The following FOXP4 variants were observed in gnomAD, a reference collection of about 807,000 sequenced individuals.
The protein encoded by FOXP4 is forkhead box protein P4.
A neutral mutation model predicts 82.6 loss-of-function variants in FOXP4; 25 were observed. The ratio of observed to expected loss-of-function variants is 0.30; its 90% confidence interval spans 0.22 to 0.42. The LOEUF (loss-of-function observed/expected upper bound fraction) is 0.42, where lower values mean the gene tolerates loss of function less well. Among genes scored for constraint, FOXP4 ranks in the 10% least tolerant of loss-of-function variants. The pLI, the probability that FOXP4 is intolerant of heterozygous loss-of-function variation, is 1.00. For missense variants in FOXP4, 785 were observed against 900.9 expected (o/e 0.87, Z 1.65); for synonymous variants, 415 against 388.2 (o/e 1.07, Z -0.81).
At position 41,588,615 on chromosome 6, in the gene FOXP4, C is replaced by A. The variant is rs201881499; in HGVS notation, c.978-29C>A. ...GTGGCAGCAGGGAAACCGGAGCCAA[C>A]TTTCTCTCCTCCTCTCTTCCCCTTG... On this transcript the variant is annotated intron_variant, in intron 8 of 16. Transcript: ENST00000307972. 6.5e-5 allele frequency: 104 copies of A among 1,611,782 alleles called. No homozygotes were observed. In the African/African-American group the frequency reaches 1.3e-3, roughly 20 times the overall value.
chr6:41,587,816 G>T lies in FOXP4; in HGVS notation c.896G>T (p.Gly299Val). 1 of 1,567,804 alleles carries T rather than the reference G, an allele frequency of 6.4e-7. No individual in the cohort carries two copies. The highest frequency in any genetic ancestry group is 8.7e-7 in the Non-Finnish European group (1 of 1,154,786). ...AGCTCTTCCCACGAGGAGACCCCCG[G>T]CTCCCACCCCCTGTACGGACACGGA... ...RDSSSHEETP[G>V]SHPLYGHGEC... Residue 299 changes from glycine (G) to valine (V), a missense_variant, in exon 8 of 17, where the codon GGC becomes GTC. Physicochemically the swap from Gly to Val is moderately radical, Grantham distance 109 (BLOSUM62 -3). Around this residue, in one of 3 missense-constraint regions of FOXP4, gnomAD observed 570 missense variants for 634.0 expected, o/e 0.90. Transcript: ENST00000307972.
intron 1 of FOXP4, among the ~76,000 whole-genome samples, chr6:41,557,389 A>G (rs188251995): frequency 2.6e-5 from 4 of 152,340 alleles, no homozygotes; most frequent in Non-Finnish European, 4.4e-5. Flanking sequence ...CCTTCTAAAC[A>G]TGTATCCTAT....
intron 1 of FOXP4, among the ~76,000 whole-genome samples, chr6:41,552,059 G>T (rs537290468): frequency 6.6e-6 from 1 of 152,164 alleles, no homozygotes; most frequent in Non-Finnish European, 1.5e-5. Flanking sequence ...GGGCCTCCCC[G>T]TGTGAAATGA....
In FOXP4 at chr6:41,571,204, C is replaced by A. The variant is rs2127361091; in HGVS notation, c.204+5240C>A. ...CTCCTTGCTGGAGGTCAGAGAGTTC[C>A]TTCCAGGCACTGAGGACTCTCCCCC... On this transcript the variant is annotated intron_variant, in intron 2 of 16. Coordinates refer to ENST00000307972, the MANE Select transcript of FOXP4 (RefSeq NM_001012426.2). Among the ~76,000 whole-genome samples the A allele has an allele frequency of 1.3e-5, 2 of 152,308 alleles. 1 individual carries two copies. Among genetic ancestry groups the A allele is most frequent in the South Asian group, 4.1e-4 (2 of 4,822 alleles).
At chr6:41,567,995 A>T (rs1479289096) in intron 2 of FOXP4, among the ~76,000 whole-genome samples, 4 of 152,246 alleles carry the variant, frequency 2.6e-5, no homozygotes, top group Admixed American at 2.6e-4. Flanking sequence ...GCTCCAAACT[A>T]TGAAAAGAAC....
chr6:41,596,209 G>A (rs915077740), intron 14 of FOXP4, among the ~76,000 whole-genome samples: 1 of 152,192 alleles, frequency 6.6e-6, no homozygotes, highest in Non-Finnish European at 1.5e-5. Context: ...CCACCTGGCA[G>A]TTTAAACAGA....
chr6:41,587,762 C>T (rs1766238766), intron 7 of FOXP4, 31 bp from the exon 8 acceptor site: 3 of 1,466,236 alleles, frequency 2.0e-6, no homozygotes, highest in South Asian at 2.4e-5. Context: ...TTCAGGGTCC[C>T]TGATCGGCCA....
chr6:41,597,135 A>G, intron 14 of FOXP4, 41 bp from the exon 15 acceptor site: 1 of 1,600,182 alleles, frequency 6.2e-7, no homozygotes, highest in Non-Finnish European at 8.6e-7. Flanking sequence ...TGAAGAGCTA[A>G]GTGAATGAGT....
intron 1 of FOXP4, among the ~76,000 whole-genome samples, chr6:41,556,575 T>C (rs928410235): frequency 3.9e-5 from 6 of 152,248 alleles, no homozygotes; most frequent in South Asian, 2.1e-4. Context: ...CTGCCCGCCT[T>C]GGCCTCCCAG....
At position 41,588,688 on chromosome 6, in the gene FOXP4, A is replaced by G; in HGVS notation, c.1022A>G (p.Gln341Arg). 6.2e-7 allele frequency: 1 copy of G among 1,614,042 alleles called. No homozygotes were observed. The change falls in exon 9 of 17, where the codon CAG becomes CGG. Residue 341 changes from glutamine (Q) to arginine (R), a missense_variant. By Grantham distance (43) the Gln-to-Arg change is conservative. This residue lies in a region of FOXP4 where 570 missense variants were observed against 634.0 expected (regional missense o/e 0.90). Transcript: ENST00000307972. The part of the protein sequence containing the change: ...EHALDDRSTA[Q>R]CRVQMQVVQQ... ...GCCCTGGATGACCGGAGTACAGCCCAGTGCCGGGTACAGATGCAGGTGGTG... is the reference window on the plus strand; with the variant it reads ...GCCCTGGATGACCGGAGTACAGCCCGGTGCCGGGTACAGATGCAGGTGGTG...
intron 3 of FOXP4, among the ~76,000 whole-genome samples, chr6:41,581,414 C>T (rs531103321): frequency 1.3e-4 from 20 of 152,284 alleles, no homozygotes; most frequent in African/African-American, 4.8e-4. Context: ...TGCAGGGTCC[C>T]TGAGGGAGGG....
At chr6:41,561,698 A>AC (rs1764590318) in intron 1 of FOXP4, among the ~76,000 whole-genome samples, 1 of 152,140 alleles carries the variant, frequency 6.6e-6, no homozygotes, top group Non-Finnish European at 1.5e-5. Context: ...TGTGAAAGGG[A>AC]CCCGGCTGTG....
chr6:41,574,238 T>C (rs1211777450), intron 2 of FOXP4, among the ~76,000 whole-genome samples: 2 of 152,142 alleles, frequency 1.3e-5, no homozygotes, highest in Non-Finnish European at 2.9e-5. Context: ...GGAAGGCAGA[T>C]TTGAAGGCCT....
chr6:41,586,174 C>A (rs991845803), intron 5 of FOXP4, among the ~76,000 whole-genome samples: 14 of 152,158 alleles, frequency 9.2e-5, no homozygotes, highest in Admixed American at 3.9e-4. Flanking sequence ...TCCAGCACCC[C>A]CAGTCTCCCC....
At chr6:41,551,805 G>C (rs986485406) in intron 1 of FOXP4, among the ~76,000 whole-genome samples, 1 of 152,200 alleles carries the variant, frequency 6.6e-6, no homozygotes, top group African/African-American at 2.4e-5. Flanking sequence ...AATGGAGCCA[G>C]GGACTCAGTA....
intron 1 of FOXP4, among the ~76,000 whole-genome samples, chr6:41,551,345 C>T (rs899520271): frequency 1.3e-5 from 2 of 152,210 alleles, no homozygotes; most frequent in African/African-American, 4.8e-5. Context: ...TGCCTTGATC[C>T]TGGTCCCAGG....
At position 41,587,801 on chromosome 6, in the gene FOXP4, A is replaced by G; in HGVS notation, c.881A>G (p.His294Arg). 6.4e-7 allele frequency: 1 copy of G among 1,561,146 alleles called. No homozygotes were observed. Among genetic ancestry groups the G allele is most frequent in the Non-Finnish European group, 8.7e-7 (1 of 1,151,246 alleles). Residue 294 changes from histidine (H) to arginine (R), a missense_variant, in exon 8 of 17, where the codon CAC becomes CGC. Physicochemically the swap from His to Arg is conservative, Grantham distance 29. Around this residue, in one of 3 missense-constraint regions of FOXP4, gnomAD observed 570 missense variants for 634.0 expected, o/e 0.90. Coordinates refer to ENST00000307972, the MANE Select transcript of FOXP4 (RefSeq NM_001012426.2). ...CCCTGCTGTCCTCCCAGCTCTTCCC[A>G]CGAGGAGACCCCCGGCTCCCACCCC... ...VLTSRRDSSS[H>R]EETPGSHPLY... is the part of the protein sequence containing the mutation.
At chr6:41,551,559 A>G (rs1178583618) in intron 1 of FOXP4, among the ~76,000 whole-genome samples, 1 of 152,184 alleles carries the variant, frequency 6.6e-6, no homozygotes, top group African/African-American at 2.4e-5. Flanking sequence ...TGATAGTGCA[A>G]GATAGAGGTA....
rs1166283791 is a variant in FOXP4, at chr6:41,546,811, C to T, written c.-73C>T. On this transcript the variant is annotated 5_prime_UTR_variant, in exon 1 of 17. Coordinates refer to ENST00000307972, the MANE Select transcript of FOXP4 (RefSeq NM_001012426.2). ...GCCCGGGCTGCGACCGGAGCGAGCC[C>T]CATGCCCCGCGCGGGCTGACGGGCC... is the stretch of plus-strand genomic sequence containing the variant. 2.7e-5 allele frequency: 4 copies of T among 148,400 alleles called. No homozygotes were observed. Among genetic ancestry groups the T allele is most frequent in the Admixed American group, 2.7e-4 (4 of 14,952 alleles). 9.2% of individuals were successfully genotyped at this position (148,400 alleles called of 1,614,324 possible).
Sources: allele counts gnomAD v4.1 joint callset (sites outside exome capture counted in the v4.1 genomes callset), GRCh38; gene constraint gnomAD v4.1.1; regional missense constraint gnomAD v4.1.1; transcripts MANE v1.5; gene names NCBI Gene and HGNC (gene_info 2026-07-23, HGNC 2026-07-21).